Variants in AMZ1 observed in about 807,000 individuals in gnomAD.
AMZ1 encodes archaelysin family metallopeptidase 1, also known as archaemetzincin-1.
A neutral mutation model predicts 29.9 loss-of-function variants in AMZ1; 39 were observed. The ratio of observed to expected loss-of-function variants is 1.30; its 90% CI spans 1.01 to 1.70. The LOEUF (loss-of-function observed/expected upper bound fraction) is 1.70. Ranked by LOEUF, AMZ1 falls within the 40% of genes most tolerant of loss-of-function variation. The probability of loss-of-function intolerance (pLI) is 0.00; values close to 1 mark genes in which losing one functional copy is unlikely to be tolerated. For missense variants in AMZ1, 1,041 were observed against 680.6 expected (o/e 1.53, Z -5.89); for synonymous variants, 458 against 304.0 (o/e 1.51, Z -5.27).
At chr7:2,748,517 G>A (rs962581272) in intron 4 of AMZ1, among the ~76,000 whole-genome samples, 2 of 152,026 alleles carry the variant, frequency 1.3e-5, no homozygotes, top group Non-Finnish European at 2.9e-5. Flanking sequence ...ATTCAAGATG[G>A]ATTAAAGACT....
At chr7:2,748,805 A>G (rs1243376688) in intron 4 of AMZ1, among the ~76,000 whole-genome samples, 12 of 152,090 alleles carry the variant, frequency 7.9e-5, no homozygotes, top group Non-Finnish European at 1.6e-4. Flanking sequence ...AACTCAAACA[A>G]ATTTACAAGA....
Position 2,709,387 on chromosome 7 carries a change from C to T in AMZ1, c.771+143C>T. ...ATGGAATGAGGAAAGCAAGGCTACA[C>T]AGCTATGAAGCAGCAGGGGAGGGAT... On this transcript the variant is annotated intron_variant, in intron 5 of 6. Transcript: ENST00000683327. The T allele has an allele frequency of 3.7e-6, 4 of 1,074,118 alleles. No individual in the cohort carries two copies. In the South Asian group the frequency reaches 7.2e-5, roughly 19 times the overall value. The allele number at this position is 1,074,118 out of a possible 1,614,324, so 66.5% of individuals were successfully genotyped here.
At chr7:2,699,493 C>T (rs1242951236) in intron 1 of AMZ1, among the ~76,000 whole-genome samples, 1 of 152,130 alleles carries the variant, frequency 6.6e-6, no homozygotes, top group Non-Finnish European at 1.5e-5. Flanking sequence ...CACGTGTGTC[C>T]TGGGGACGTC....
chr7:2,748,986 G>T (rs1233335838), intron 4 of AMZ1, among the ~76,000 whole-genome samples: 1 of 152,198 alleles, frequency 6.6e-6, no homozygotes, highest in Admixed American at 6.5e-5. Context: ...AGTTAGAATG[G>T]TGATCATTAA....
At chr7:2,692,119 C>G (rs1025955533) in intron 1 of AMZ1, among the ~76,000 whole-genome samples, 1 of 152,214 alleles carries the variant, frequency 6.6e-6, no homozygotes, top group African/African-American at 2.4e-5. Flanking sequence ...GCTGGTGAGT[C>G]TCCTGTGGCG....
chr7:2,700,332 C>A lies in AMZ1; in HGVS notation c.-120C>A. ...GGACCAGTGTCTGTCTGCAGGGAGC[C>A]CCCGGTAGCCACTCGGATCAGCCCG... is the stretch of plus-strand genomic sequence containing the variant. On this transcript the variant is annotated 5_prime_UTR_variant, in exon 2 of 7. Transcript: ENST00000683327. 8.4e-7 allele frequency: 1 copy of A among 1,196,512 alleles called. No homozygotes were observed. The highest frequency in any genetic ancestry group is 2.5e-5 in the East Asian group (1 of 39,614). The allele number at this position is 1,196,512 out of a possible 1,614,324, so 74.1% of individuals were successfully genotyped here.
intron 1 of AMZ1, among the ~76,000 whole-genome samples, chr7:2,695,212 C>T (rs1226404801): frequency 6.6e-6 from 1 of 152,182 alleles, no homozygotes; most frequent in Non-Finnish European, 1.5e-5. Flanking sequence ...ATGTTTCTTT[C>T]TTCCTTTATG....
intron 1 of AMZ1, among the ~76,000 whole-genome samples, chr7:2,682,901 C>A (rs1438608026): frequency 6.6e-6 from 1 of 152,204 alleles, no homozygotes; most frequent in East Asian, 1.9e-4. Flanking sequence ...CCCATCTCTG[C>A]CGTTGACCCG....
upstream of AMZ1, chr7:2,762,788 G>A (rs1246806062): frequency 2.6e-6 from 4 of 1,540,210 alleles, no homozygotes; most frequent in Non-Finnish European, 3.5e-6. Context: ...TGTACAAAAG[G>A]GAGGAGGAGC....
chr7:2,686,208 C>T (rs1338392722), upstream of AMZ1, among the ~76,000 whole-genome samples: 1 of 152,178 alleles, frequency 6.6e-6, no homozygotes, highest in Non-Finnish European at 1.5e-5. Context: ...GGGCCGCCTG[C>T]AGAACGCAGT....
intron 4 of AMZ1, among the ~76,000 whole-genome samples, chr7:2,741,521 G>C (rs1790503416): frequency 6.6e-6 from 1 of 152,164 alleles, no homozygotes. Flanking sequence ...ATTCACAGCA[G>C]AATTCCAGCC....
At position 2,702,935 on chromosome 7, in the gene AMZ1, C is replaced by T. The variant is rs1378684318; in HGVS notation, c.472+46C>T. 5.9e-6 allele frequency: 9 copies of T among 1,529,548 alleles called. No homozygotes were observed. In the African/African-American group the frequency reaches 1.1e-4, roughly 19 times the overall value. 94.7% of individuals were successfully genotyped at this position (1,529,548 alleles called of 1,614,324 possible). ...CCGCTCAGGCCAAGGCAGGCCCCTT[C>T]TGGAAGGAAGAGGTGGGAGGAAGGC... On this transcript the variant is annotated intron_variant, in intron 3 of 6. Coordinates refer to ENST00000683327, the MANE Select transcript of AMZ1 (RefSeq NM_001384743.1).
chr7:2,687,961 G>C (rs1787150111), upstream of AMZ1, among the ~76,000 whole-genome samples: 1 of 152,212 alleles, frequency 6.6e-6, no homozygotes, highest in Non-Finnish European at 1.5e-5. Context: ...GCACGAACTG[G>C]CCCGGGCTGA....
At chr7:2,725,359 G>C (rs1789576485) in intron 4 of AMZ1, among the ~76,000 whole-genome samples, 1 of 152,234 alleles carries the variant, frequency 6.6e-6, no homozygotes, top group Admixed American at 6.5e-5. Flanking sequence ...GCGAGGGGAA[G>C]GGCGAAGGAT....
At position 2,681,166 on chromosome 7, in the gene AMZ1, C is replaced by T. The variant is rs368489733; in HGVS notation, c.-219+1495C>T. On this transcript the variant is annotated intron_variant, in intron 1 of 6. Transcript: ENST00000312371. ...GCTCGGTGCCACTCAGGCCCGAAAGCCCCAAGTCAGCCTGGCTAGCGTGCG... is the reference window on the plus strand; with the variant it reads ...GCTCGGTGCCACTCAGGCCCGAAAGTCCCAAGTCAGCCTGGCTAGCGTGCG... 1.0e-3 allele frequency among the ~76,000 whole-genome samples: 152 copies of T among 152,326 alleles called. 1 individual carries two copies. The South Asian group carries it at 0.03, about 31-fold the overall frequency.
intron 4 of AMZ1, chr7:2,730,937 ACAT>A: frequency 2.0e-6 from 1 of 507,066 alleles, no homozygotes; most frequent in Non-Finnish European, 3.6e-6. Flanking sequence ...CGTATTCACA[ACAT>A]CATCACTCGG....
chr7:2,739,071 G>A (rs926040497), intron 4 of AMZ1, among the ~76,000 whole-genome samples: 1 of 152,206 alleles, frequency 6.6e-6, no homozygotes, highest in Non-Finnish European at 1.5e-5. Flanking sequence ...GCTCCGCAGG[G>A]TGTGTCCTCG....
chr7:2,762,741 G>T, upstream of AMZ1: 1 of 1,553,822 alleles, frequency 6.4e-7, no homozygotes, highest in South Asian at 1.2e-5. Context: ...CCTCCCTCCC[G>T]CAGGAAGTGC....
intron 4 of AMZ1, among the ~76,000 whole-genome samples, chr7:2,752,452 C>T (rs1290712249): frequency 6.6e-6 from 1 of 152,114 alleles, no homozygotes; most frequent in Non-Finnish European, 1.5e-5. Flanking sequence ...AAAAGCAAGA[C>T]AGCAAGCAAG....
Sources: allele counts gnomAD v4.1 joint callset (sites outside exome capture counted in the v4.1 genomes callset), GRCh38; gene constraint gnomAD v4.1.1; transcripts MANE v1.5; gene names NCBI Gene and HGNC (gene_info 2026-07-23, HGNC 2026-07-21).